MGST1: variants seen among roughly 807,000 people sequenced by gnomAD.
MGST1 encodes glutathione S-transferase 12.
In MGST1, 5 loss-of-function variants were observed where a neutral mutation model predicts 8.9. The ratio of observed to expected loss-of-function variants is 0.56; its 90% confidence interval spans 0.29 to 1.19. The LOEUF is 1.19. Ranked by LOEUF, MGST1 falls within the 50% of genes most tolerant of loss-of-function variation. MGST1 has a pLI of 0.08. For synonymous variants in MGST1, 54 were observed against 67.8 expected, an observed-to-expected ratio of 0.80 and a Z score of 1.00; for missense variants, 182 against 187.4, an observed-to-expected ratio of 0.97 and a Z score of 0.17.
At chr12:16,486,963 C>T (rs986059422) in intron 4 of MGST1, among the ~76,000 whole-genome samples, 1 of 152,116 alleles carries the variant, frequency 6.6e-6, no homozygotes, top group Admixed American at 6.5e-5. Context: ...TGTTTAAGGG[C>T]CTGCCATATG....
chr12:16,380,509 A>C (rs1340673623), downstream of MGST1, among the ~76,000 whole-genome samples: 1 of 152,058 alleles, frequency 6.6e-6, no homozygotes, highest in African/African-American at 2.4e-5. Flanking sequence ...TCTGAGAGAC[A>C]GTTTGTTATA....
chr12:16,368,562 C>T (rs1940234087), downstream of MGST1, among the ~76,000 whole-genome samples: 1 of 152,106 alleles, frequency 6.6e-6, no homozygotes, highest in Admixed American at 6.5e-5. Flanking sequence ...GTGCTTTATT[C>T]ACTATATATT....
chr12:16,521,999 G>A (rs979301650), intron 4 of MGST1, among the ~76,000 whole-genome samples: 3 of 152,046 alleles, frequency 2.0e-5, no homozygotes, highest in East Asian at 1.9e-4. Context: ...GTGCAGCTCC[G>A]ACTTCTGAAC....
chr12:16,527,393 A>G (rs1052106262), intron 4 of MGST1, among the ~76,000 whole-genome samples: 1 of 152,046 alleles, frequency 6.6e-6, no homozygotes, highest in Admixed American at 6.6e-5. Context: ...CACTAACATC[A>G]TATTTTCAAA....
rs942103641 is a variant in MGST1 at position 16,546,135 on chromosome 12, C to T, written n.483-43393C>T. Among the ~76,000 whole-genome samples, 7 of 152,000 alleles carry T rather than the reference C, an allele frequency of 4.6e-5. No homozygotes were observed. The highest frequency in any genetic ancestry group is 7.2e-5 in the African/African-American group (3 of 41,382). On this transcript the variant is annotated intron_variant and non_coding_transcript_variant, in intron 4 of 4. Transcript: ENST00000538857. This position sits in a 1 kb window ranked among gnomAD's most constrained non-coding sequence, Gnocchi z 4.7. ...ACATGGCAATTGTTTGGTAAATATT[C>T]GCTATTATTACTAAAAGTTATTGAA...
Position 16,546,822 on chromosome 12 carries a change from A to C in MGST1, n.483-42706A>C, listed in dbSNP as rs1380127762. Among the ~76,000 whole-genome samples, 1 of 151,980 alleles carries C rather than the reference A, an allele frequency of 6.6e-6. No individual in the cohort carries two copies. Among genetic ancestry groups the C allele is most frequent in the Non-Finnish European group, 1.5e-5 (1 of 67,956 alleles). ...CCTTCCCCTACTGCTGTCATTATCC[A>C]CAAACCCACCCCAACCAAGCCTGCC... On this transcript the variant is annotated intron_variant and non_coding_transcript_variant, in intron 4 of 4. Transcript: ENST00000538857. This position sits in a 1 kb window ranked among gnomAD's most constrained non-coding sequence, Gnocchi z 4.7.
At chr12:16,402,491 C>T (rs1017295887) in intron 1 of MGST1, 1 of 1,345,366 alleles carries the variant, frequency 7.4e-7, no homozygotes, top group Non-Finnish European at 1.1e-6. Flanking sequence ...CTGCTCTCGG[C>T]CCAGGAATCC....
At chr12:16,358,472 T>C (rs1424143040) in intron 3 of MGST1, among the ~76,000 whole-genome samples, 2 of 135,774 alleles carry the variant, frequency 1.5e-5, no homozygotes, top group African/African-American at 6.0e-5. Flanking sequence ...GATTTCATTC[T>C]TTTTTTTTTT....
At chr12:16,349,610 A>G (rs7294985) in intron 1 of MGST1, among the ~76,000 whole-genome samples, 107,308 of 151,998 alleles carry the variant, frequency 0.71, 38,277 homozygotes, top group Middle Eastern at 0.76. Flanking sequence ...CTACCTCAGG[A>G]TTTTTCGGGT....
At chr12:16,516,895 A>ACC (rs1239077500) in intron 4 of MGST1, among the ~76,000 whole-genome samples, 3 of 152,168 alleles carry the variant, frequency 2.0e-5, no homozygotes, top group Non-Finnish European at 4.4e-5. Context: ...TCAATCTATC[A>ACC]AATACTTTCA....
chr12:16,451,508 A>G (rs1031807487), intron 4 of MGST1, among the ~76,000 whole-genome samples: 4 of 151,968 alleles, frequency 2.6e-5, no homozygotes, highest in African/African-American at 7.2e-5. Flanking sequence ...GAGGCAATGC[A>G]TTTAGCATTC....
rs1223523055 is a variant in MGST1, at chr12:16,394,540, TTCTTTCTTTC to T, written n.778+10938_778+10947del. On this transcript the variant is annotated intron_variant and non_coding_transcript_variant, in intron 1 of 1. Transcript: ENST00000359720. ...TTTCTTTCTTTCTTTCTTTCTTTCT[TTCTTTCTTTC>T]TTTCTTTCTTTCTTTCTTTCTTTCT... Among the ~76,000 whole-genome samples, 71 of 61,770 alleles carry T rather than the reference TTCTTTCTTTC, an allele frequency of 1.1e-3. 1 individual carries two copies. Among genetic ancestry groups the T allele is most frequent in the Middle Eastern group, 9.1e-3 (1 of 110 alleles). The allele number at this position is 61,770 out of a possible 152,430, so 40.5% of individuals were successfully genotyped here.
chr12:16,449,860 A>G (rs899717859), intron 4 of MGST1, among the ~76,000 whole-genome samples: 5 of 151,944 alleles, frequency 3.3e-5, no homozygotes, highest in African/African-American at 1.2e-4. Flanking sequence ...CTCAAAAGGC[A>G]AATAGCTCTG....
chr12:16,466,954 T>C (rs771773307), intron 4 of MGST1, among the ~76,000 whole-genome samples: 18 of 152,138 alleles, frequency 1.2e-4, no homozygotes, highest in Admixed American at 2.0e-4. Context: ...TAAAAGGCAG[T>C]CTGACCCCGA....
intron 4 of MGST1, among the ~76,000 whole-genome samples, chr12:16,554,563 C>T (rs1402144665): frequency 1.3e-5 from 2 of 152,214 alleles, no homozygotes; most frequent in Admixed American, 1.3e-4. Flanking sequence ...CATCTCACTG[C>T]TAACAACCCT....
rs1489501264 is a variant in MGST1, at chr12:16,585,190, G to A, written n.483-4338G>A. Among the ~76,000 whole-genome samples, 1 of 152,142 alleles carries A rather than the reference G, an allele frequency of 6.6e-6. No homozygotes were observed. Among genetic ancestry groups the A allele is most frequent in the Non-Finnish European group, 1.5e-5 (1 of 68,036 alleles). On this transcript the variant is annotated intron_variant and non_coding_transcript_variant, in intron 4 of 4. Coordinates refer to the MGST1 transcript ENST00000538857. This position sits in a 1 kb window ranked among gnomAD's most constrained non-coding sequence, Gnocchi z 4.7. The stretch of plus-strand genomic sequence containing the variant: ...ACGTTATTTTTCCTTCCAGACTCCG[G>A]AACCTGGAGGCAATTGAGTTTGTAA...
intron 4 of MGST1, among the ~76,000 whole-genome samples, chr12:16,533,327 T>C (rs1941733747): frequency 6.6e-6 from 1 of 152,176 alleles, no homozygotes; most frequent in Non-Finnish European, 1.5e-5. Context: ...AAAAAGAGGC[T>C]GTACACCTTG....
At chr12:16,400,196 C>T in intron 1 of MGST1, 1 of 1,006,092 alleles carries the variant, frequency 9.9e-7, no homozygotes, top group South Asian at 1.3e-5. Context: ...GTTGTCTCTC[C>T]CACTTCTGTG....
intron 4 of MGST1, among the ~76,000 whole-genome samples, chr12:16,578,911 A>G (rs1943075915): frequency 6.6e-6 from 1 of 152,306 alleles, no homozygotes; most frequent in Admixed American, 6.5e-5. Flanking sequence ...TCATGGTTCT[A>G]TACTTAACAA....
Sources: gnomAD v4.1 joint callset for allele counts (sites outside exome capture counted in the v4.1 genomes callset) on GRCh38, gnomAD v4.1.1 for gene constraint, Gnocchi (gnomAD v3.1) non-coding constraint, MANE v1.5 for transcripts, NCBI Gene and HGNC (gene_info 2026-07-23, HGNC 2026-07-21) for gene names.